Variants in FAM234A observed in about 807,000 individuals in gnomAD.
FAM234A encodes family with sequence similarity 234 member A, also known as protein FAM234A.
Under a neutral mutation model 49.1 loss-of-function variants are expected in FAM234A, and 42 were observed. The ratio of observed to expected loss-of-function variants is 0.86; its 90% CI spans 0.67 to 1.11. The LOEUF is 1.11. Among genes scored for constraint, FAM234A ranks in the 50% least tolerant of loss-of-function variants. The probability of loss-of-function intolerance (pLI) is 0.00; values close to 1 mark genes in which losing one functional copy is unlikely to be tolerated. For missense variants in FAM234A, 815 were observed against 745.2 expected (o/e 1.09, Z -1.09); for synonymous variants, 369 against 316.2 (o/e 1.17, Z -1.77).
Position 251,679 on chromosome 16 carries a change from G to GTTTTT in FAM234A, c.-34+2048_-34+2052dup, listed in dbSNP as rs1172222528. On this transcript the variant is annotated intron_variant, in intron 2 of 12. Transcript: ENST00000399932. ...GGCATAAGCCACCATGCCTAGCCAG[G>GTTTTT]TTTTTTTTTTTTTTTTTTTTTTTTT... Among the ~76,000 whole-genome samples, 314 of 91,132 alleles carry GTTTTT rather than the reference G, an allele frequency of 3.4e-3. 40 individuals are homozygous for GTTTTT. The highest frequency in any genetic ancestry group is 0.015 in the African/African-American group (282 of 18,848). The allele number at this position is 91,132 out of a possible 152,430, so 59.8% of individuals were successfully genotyped here. A position where few individuals can be genotyped will look rare whatever the true frequency, so the allele number is the denominator to read the frequency against.
intron 1 of FAM234A, among the ~76,000 whole-genome samples, chr16:235,430 CAG>C (rs999113500): frequency 1.4e-4 from 21 of 152,168 alleles, no homozygotes; most frequent in Admixed American, 5.9e-4. Context: ...GAACACAAAA[CAG>C]AGGCTAGATG....
At chr16:268,850 G>A, downstream of FAM234A, 2 of 1,550,434 alleles carry the variant, frequency 1.3e-6, no homozygotes, top group Non-Finnish European at 1.7e-6. Flanking sequence ...TCCGCGTCTT[G>A]TGACGGGTGT....
At chr16:239,844 G>C (rs1299430916) in intron 1 of FAM234A, among the ~76,000 whole-genome samples, 1 of 152,176 alleles carries the variant, frequency 6.6e-6, no homozygotes, top group African/African-American at 2.4e-5. Context: ...AGGAACTTGT[G>C]TTTGGGCTTT....
In FAM234A at chr16:246,417, CT is replaced by C. The variant is rs1183467460; in HGVS notation, c.-139-3110del. Among the ~76,000 whole-genome samples, 654 of 67,280 alleles carry C rather than the reference CT, an allele frequency of 9.7e-3. 3 individuals carry two copies. The highest frequency in any genetic ancestry group is 0.026 in the African/African-American group (362 of 14,016). The allele number at this position is 67,280 out of a possible 152,430, so 44.1% of individuals were successfully genotyped here. On this transcript the variant is annotated intron_variant, in intron 1 of 12. Transcript: ENST00000399932. ...CCTCAGCCTCCTGAGTAGGTGGTGG[CT>C]TTTTTTTTTTTTTTTTTTTTTGAGA...
intron 1 of FAM234A, among the ~76,000 whole-genome samples, chr16:245,392 C>T (rs867861847): frequency 1.3e-5 from 2 of 152,104 alleles, no homozygotes; most frequent in Non-Finnish European, 2.9e-5. Context: ...GTCATTGGTC[C>T]TGCTGTGTCT....
intron 3 of FAM234A, among the ~76,000 whole-genome samples, chr16:255,716 T>G (rs566600294): frequency 2.0e-5 from 3 of 152,200 alleles, no homozygotes; most frequent in Admixed American, 2.0e-4. Context: ...CAGGCTGGAG[T>G]GCAATGGCAC....
intron 3 of FAM234A, among the ~76,000 whole-genome samples, chr16:257,434 C>G (rs966710211): frequency 2.6e-5 from 4 of 151,238 alleles, no homozygotes; most frequent in African/African-American, 9.7e-5. Flanking sequence ...TTAGTAGAGA[C>G]GGGGTTTCAC....
intron 5 of FAM234A, chr16:260,642 G>A (rs1426995753): frequency 2.1e-6 from 1 of 472,570 alleles, no homozygotes; most frequent in South Asian, 1.5e-5. Context: ...AGAATGCGTG[G>A]TGCACGGGGC....
chr16:263,157 G>T lies in FAM234A; in HGVS notation c.972-105G>T, dbSNP rs548667995. ...CTGTAGAACTGAGAAACGGGTTATG[G>T]GGGCCTAAGAGGAGCACCCTGAGAC... On this transcript the variant is annotated intron_variant, in intron 8 of 12. Coordinates refer to ENST00000399932, the MANE Select transcript of FAM234A (RefSeq NM_032039.4). The T allele has an allele frequency of 1.3e-5, 18 of 1,348,230 alleles. No individual in the cohort carries two copies. In the South Asian group the frequency reaches 2.4e-4, roughly 18 times the overall value. The allele number at this position is 1,348,230 out of a possible 1,614,324, so 83.5% of individuals were successfully genotyped here.
chr16:264,426 G>C (rs1009445904), intron 11 of FAM234A, among the ~76,000 whole-genome samples, 188 bp from the exon 12 acceptor site: 1 of 152,230 alleles, frequency 6.6e-6, no homozygotes, highest in African/African-American at 2.4e-5. Flanking sequence ...CTGCCGGCAA[G>C]GACCAGTGTC....
chr16:246,357 C>T (rs1286019258), intron 1 of FAM234A, among the ~76,000 whole-genome samples: 1 of 145,496 alleles, frequency 6.9e-6, no homozygotes, highest in Non-Finnish European at 1.5e-5. Context: ...CGGCTCACCG[C>T]AACCTCTGCC....
chr16:265,771 C>G lies in FAM234A; in HGVS notation c.*749C>G, dbSNP rs2051672904. The G allele has an allele frequency of 1.0e-6, 1 of 985,640 alleles. No homozygotes were observed. The highest frequency in any genetic ancestry group is 1.7e-5 in the African/African-American group (1 of 57,236). The allele number at this position is 985,640 out of a possible 1,614,324, so 61.1% of individuals were successfully genotyped here. A position where few individuals can be genotyped will look rare whatever the true frequency, so the allele number is the denominator to read the frequency against. ...CTGGCTGCATGTGCTGTGAATATCC[C>G]AAGGAACTGGCTGTGGAATGCGTGT... On this transcript the variant is annotated 3_prime_UTR_variant, in exon 13 of 13. Transcript: ENST00000399932.
rs765174757 is a variant in FAM234A, at chr16:261,665, T to G, written c.708+151T>G. ...CAGAGCCCCACGTTCCCAACTCCCA[T>G]AGACCCAGCATACTCAGGGGGCTCC... On this transcript the variant is annotated intron_variant, in intron 6 of 12. Coordinates refer to ENST00000399932, the MANE Select transcript of FAM234A (RefSeq NM_032039.4). The G allele has an allele frequency of 9.6e-5, 91 of 943,326 alleles. 1 individual carries two copies. In the Middle Eastern group the frequency reaches 1.7e-3, roughly 18 times the overall value. The allele number at this position is 943,326 out of a possible 1,614,324, so 58.4% of individuals were successfully genotyped here.
chr16:239,758 C>T (rs188891574), intron 1 of FAM234A, among the ~76,000 whole-genome samples: 182 of 152,156 alleles, frequency 1.2e-3, no homozygotes, highest in Non-Finnish European at 1.1e-3. Flanking sequence ...ATCAGCTGTT[C>T]GCCCTCAACT....
At chr16:243,995 G>A (rs933031809) in intron 1 of FAM234A, among the ~76,000 whole-genome samples, 1 of 150,726 alleles carries the variant, frequency 6.6e-6, no homozygotes, top group Non-Finnish European at 1.5e-5. Flanking sequence ...TTGAGTCGGA[G>A]TCTTGCTCTG....
At position 261,365 on chromosome 16, in the gene FAM234A, A is replaced by T; in HGVS notation, c.578-19A>T. The T allele has an allele frequency of 1.2e-6, 2 of 1,601,140 alleles. No homozygotes were observed. The highest frequency in any genetic ancestry group is 1.7e-6 in the Non-Finnish European group (2 of 1,169,580). ...AGGGGACTCAGGGCCACGTTCCGTG[A>T]CCGTGTGCTTGATTCTAGGGGAAAC... On this transcript the variant is annotated intron_variant, in intron 5 of 12. Coordinates refer to ENST00000399932, the MANE Select transcript of FAM234A (RefSeq NM_032039.4).
downstream of FAM234A, chr16:269,000 C>G: frequency 1.4e-6 from 2 of 1,460,014 alleles, no homozygotes; most frequent in Non-Finnish European, 1.9e-6. Flanking sequence ...TCTCACCTCT[C>G]TTCAGGTAAC....
Position 237,427 on chromosome 16 carries a change from CTGGA to C in FAM234A, c.-140+2575_-140+2578del, listed in dbSNP as rs2050443295. Among the ~76,000 whole-genome samples the C allele has an allele frequency of 2.0e-5, 3 of 152,140 alleles. No homozygotes were observed. In the South Asian group the frequency reaches 6.2e-4, roughly 32 times the overall value. On this transcript the variant is annotated intron_variant, in intron 1 of 12. Coordinates refer to ENST00000399932, the MANE Select transcript of FAM234A (RefSeq NM_032039.4). ...GGCTGGGGCTGCAGGTGTCTAAAAG[CTGGA>C]TGGAGTCTTTTCTGTTTTTTCTAGA...
At chr16:257,176 GC>G (rs2051267132) in intron 3 of FAM234A, among the ~76,000 whole-genome samples, 1 of 149,918 alleles carries the variant, frequency 6.7e-6, no homozygotes. Context: ...ACCACGCCCA[GC>G]CTTTCCACTC....
Sources: gnomAD v4.1 joint callset for allele counts (sites outside exome capture counted in the v4.1 genomes callset) on GRCh38, gnomAD v4.1.1 for gene constraint, MANE v1.5 for transcripts, NCBI Gene and HGNC (gene_info 2026-07-23, HGNC 2026-07-21) for gene names.